GRB10: variants seen among roughly 807,000 people sequenced by gnomAD.
GRB10 encodes growth factor receptor-bound protein 10.
In GRB10, 20 loss-of-function variants were observed where a neutral mutation model predicts 80.9. That is an observed-to-expected ratio of 0.25 (90% CI 0.17 to 0.36). The LOEUF (loss-of-function observed/expected upper bound fraction) is 0.36. Ranked by LOEUF, GRB10 falls within the 10% of genes least tolerant of loss-of-function variation. GRB10 has a pLI of 1.00. For synonymous variants in GRB10, 291 were observed against 291.5 expected, an observed-to-expected ratio of 1.00 and a Z score of 0.02; for missense variants, 548 against 747.7, an observed-to-expected ratio of 0.73 and a Z score of 3.12.
At chr7:50,641,341 G>A (rs1295210397) in intron 7 of GRB10, among the ~76,000 whole-genome samples, 1 of 152,034 alleles carries the variant, frequency 6.6e-6, no homozygotes, top group Non-Finnish European at 1.5e-5. Context: ...CGTTTTGCTG[G>A]TGACTGTTCA....
chr7:50,652,510 C>G (rs1429684446), intron 7 of GRB10, among the ~76,000 whole-genome samples: 3 of 152,174 alleles, frequency 2.0e-5, no homozygotes, highest in African/African-American at 7.2e-5. Context: ...GGCCACTGAA[C>G]TGACTGCTAA....
At chr7:50,743,839 A>G (rs538669710) in intron 3 of GRB10, among the ~76,000 whole-genome samples, 1 of 152,172 alleles carries the variant, frequency 6.6e-6, no homozygotes, top group South Asian at 2.1e-4. Flanking sequence ...CCAGGGCAGG[A>G]CTGTTAATGC....
intron 11 of GRB10, among the ~76,000 whole-genome samples, chr7:50,615,626 C>A (rs1406852521): frequency 1.3e-5 from 2 of 152,198 alleles, no homozygotes; most frequent in African/African-American, 2.4e-5. Context: ...ATGGTAAGTG[C>A]TCAGCCAGGT....
intron 11 of GRB10, 96 bp from the exon 12 acceptor site, chr7:50,614,976 G>A (rs1043804234): frequency 1.3e-6 from 1 of 794,238 alleles, no homozygotes; most frequent in African/African-American, 1.7e-5. Context: ...ACACTTACAA[G>A]CACTTTCCCC....
At chr7:50,684,167 T>C (rs2061843038) in intron 5 of GRB10, among the ~76,000 whole-genome samples, 2 of 150,326 alleles carry the variant, frequency 1.3e-5, no homozygotes, top group African/African-American at 4.9e-5. Context: ...CCCTCACCCA[T>C]TTCCCCAGGA....
chr7:50,604,114 G>A (rs1421767911), intron 16 of GRB10, 29 bp from the exon 17 acceptor site: 1 of 1,572,590 alleles, frequency 6.4e-7, no homozygotes, highest in Non-Finnish European at 8.8e-7. Context: ...AGGAGGGTAG[G>A]ATGGTGGTGC....
intron 13 of GRB10, among the ~76,000 whole-genome samples, chr7:50,609,614 G>A (rs921520211): frequency 6.6e-6 from 1 of 152,204 alleles, no homozygotes; most frequent in Non-Finnish European, 1.5e-5. Flanking sequence ...GTCAGGTCAT[G>A]TAAAACCAAA....
chr7:50,627,385 A>G (rs2053115933), intron 7 of GRB10, among the ~76,000 whole-genome samples: 1 of 152,128 alleles, frequency 6.6e-6, no homozygotes, highest in African/African-American at 2.4e-5. Context: ...AAATCCTGTA[A>G]ATCTCCCTCT....
At chr7:50,622,350 T>C (rs1399209300) in intron 8 of GRB10, among the ~76,000 whole-genome samples, 1 of 152,174 alleles carries the variant, frequency 6.6e-6, no homozygotes, top group Non-Finnish European at 1.5e-5. Context: ...CCTCCACACC[T>C]TTCTGCATGT....
At chr7:50,647,725 C>T (rs958569983) in intron 7 of GRB10, among the ~76,000 whole-genome samples, 1 of 152,166 alleles carries the variant, frequency 6.6e-6, no homozygotes, top group Non-Finnish European at 1.5e-5. Context: ...AAACTGGGGA[C>T]CAGCTGAGTC....
intron 1 of GRB10, chr7:50,793,044 C>T (rs1483463111): frequency 7.0e-6 from 1 of 143,814 alleles, no homozygotes; most frequent in Non-Finnish European, 1.5e-5. Context: ...GGCGCCGGAG[C>T]CCCCGGCCCG....
At chr7:50,697,244 T>A (rs1279285321) in intron 5 of GRB10, among the ~76,000 whole-genome samples, 1 of 152,252 alleles carries the variant, frequency 6.6e-6, no homozygotes, top group Non-Finnish European at 1.5e-5. Context: ...ACTGTTCACA[T>A]GACCAATGCC....
At chr7:50,633,078 T>C (rs761617327) in intron 7 of GRB10, among the ~76,000 whole-genome samples, 9 of 152,150 alleles carry the variant, frequency 5.9e-5, no homozygotes, top group Non-Finnish European at 1.0e-4. Flanking sequence ...TGCAACTGCC[T>C]CTCAACTGCA....
intron 5 of GRB10, 85 bp downstream of exon 5, chr7:50,703,736 C>G: frequency 1.0e-6 from 1 of 965,522 alleles, no homozygotes; most frequent in Non-Finnish European, 1.7e-6. Flanking sequence ...CTATTAGTGT[C>G]AAGAGCAACA....
intron 1 of GRB10, chr7:50,792,731 C>G (rs553281590): frequency 8.3e-5 from 26 of 313,000 alleles, no homozygotes; most frequent in South Asian, 1.6e-4. Context: ...CCCGGACGCC[C>G]GGGCGCGCGC....
intron 3 of GRB10, among the ~76,000 whole-genome samples, chr7:50,753,523 C>T (rs931765734): frequency 1.3e-5 from 2 of 152,154 alleles, no homozygotes; most frequent in African/African-American, 2.4e-5. Context: ...AAACTACTTC[C>T]CAGAGCACTC....
chr7:50,787,998 A>C (rs1008079723), intron 1 of GRB10, among the ~76,000 whole-genome samples: 4 of 152,204 alleles, frequency 2.6e-5, no homozygotes, highest in African/African-American at 9.7e-5. Flanking sequence ...GGATGTGAAG[A>C]CCGTCTAGGA....
intron 4 of GRB10, among the ~76,000 whole-genome samples, chr7:50,704,766 A>G (rs1324514927): frequency 2.6e-5 from 4 of 152,220 alleles, no homozygotes; most frequent in Non-Finnish European, 5.9e-5. Context: ...AACATCCAAC[A>G]TGCGAGGTGC....
chr7:50,632,491 G>A (rs1314329351), intron 7 of GRB10, among the ~76,000 whole-genome samples: 1 of 152,202 alleles, frequency 6.6e-6, no homozygotes, highest in Non-Finnish European at 1.5e-5. Context: ...CCCACTGTCT[G>A]AACACAGCAA....
Sources: gnomAD v4.1 joint callset for allele counts (sites outside exome capture counted in the v4.1 genomes callset) on GRCh38, gnomAD v4.1.1 for gene constraint, MANE v1.5 for transcripts, NCBI Gene and HGNC (gene_info 2026-07-23, HGNC 2026-07-21) for gene names.